Variants in MPG observed in about 807,000 individuals in gnomAD.
The protein encoded by MPG is DNA-3-methyladenine glycosylase.
In MPG, 33 loss-of-function variants were observed where a neutral mutation model predicts 31.7. The observed-to-expected ratio is 1.04, with a 90% CI of 0.79 to 1.39. MPG has a LOEUF of 1.39. MPG is among the 40% of genes most tolerant of loss of function. MPG has a pLI of 0.00. For missense variants in MPG, 455 were observed against 415.5 expected, an observed-to-expected ratio of 1.10 and a Z score of -0.83; for synonymous variants, 202 against 169.2, an observed-to-expected ratio of 1.19 and a Z score of -1.51.
chr16:83,606 T>C (rs1898319444), intron 3 of MPG, among the ~76,000 whole-genome samples: 1 of 151,868 alleles, frequency 6.6e-6, no homozygotes, highest in Non-Finnish European at 1.5e-5. Flanking sequence ...CTGGGTGTGG[T>C]AGTGGGCTCC....
In MPG at chr16:83,266, G is replaced by A. The variant is rs1165807447; in HGVS notation, c.505+10G>A. 2.5e-6 allele frequency: 4 copies of A among 1,605,306 alleles called. No individual in the cohort carries two copies. In the East Asian group the frequency reaches 9.0e-5, roughly 36 times the overall value. ...AACATCTCCAGCCAGGGTGAGCAGTGCTGGGGCACGGGGGGTTGGAGGGCC... is the reference window on the plus strand; with the variant it reads ...AACATCTCCAGCCAGGGTGAGCAGTACTGGGGCACGGGGGGTTGGAGGGCC... On this transcript the variant is annotated intron_variant, in intron 3 of 3. Coordinates refer to ENST00000356432, the MANE Select transcript of MPG (RefSeq NM_001015052.3).
At position 78,342 on chromosome 16, in the gene MPG, G is replaced by A. The variant is rs898008178; in HGVS notation, c.24+9G>A. On this transcript the variant is annotated intron_variant, in intron 1 of 3. Coordinates refer to ENST00000356432, the MANE Select transcript of MPG (RefSeq NM_001015052.3). ...CGCGCAGCGGGGCCCAGGTGAGCGC[G>A]CGCCTCGGCCGCCCCGCGGAACAGA... 4.8e-6 allele frequency: 6 copies of A among 1,247,712 alleles called. No homozygotes were observed. The African/African-American group carries it at 7.9e-5, about 16-fold the overall frequency. 77.3% of individuals were successfully genotyped at this position (1,247,712 alleles called of 1,614,324 possible).
At chr16:80,534 G>T (rs2141883887) in intron 2 of MPG, among the ~76,000 whole-genome samples, 1 of 152,316 alleles carries the variant, frequency 6.6e-6, no homozygotes, top group Admixed American at 6.5e-5. Flanking sequence ...TTTGTGGCCA[G>T]GTGTGGTGGC....
chr16:85,270 A>C, intron 3 of MPG, 131 bp from the exon 4 acceptor site: 1 of 1,100,542 alleles, frequency 9.1e-7, no homozygotes, highest in South Asian at 1.5e-5. Context: ...GTGCAGGTGC[A>C]CAGAGCAGGT....
chr16:79,465 G>A lies in MPG; in HGVS notation c.65G>A (p.Arg22Lys). 2 of 1,613,104 alleles carry A rather than the reference G, an allele frequency of 1.2e-6. No individual in the cohort carries two copies. The highest frequency in any genetic ancestry group is 1.7e-6 in the Non-Finnish European group (2 of 1,180,010). ...GGGCAAAAGAAGCAGCGACCAGCTAGAGCAGGGCAGCCACACAGCTCGTCC... is the reference window on the plus strand; with the variant it reads ...GGGCAAAAGAAGCAGCGACCAGCTAAAGCAGGGCAGCCACACAGCTCGTCC... ...RMGQKKQRPA[R>K]AGQPHSSSDA... Residue 22 changes from arginine (R) to lysine (K), a missense_variant, in exon 2 of 4, where the codon AGA becomes AAA. By Grantham distance (26) the Arg-to-Lys change is conservative (BLOSUM62 2). Transcript: ENST00000356432.
intron 2 of MPG, among the ~76,000 whole-genome samples, chr16:80,790 C>T (rs574876504): frequency 1.3e-5 from 2 of 152,104 alleles, no homozygotes; most frequent in East Asian, 3.9e-4. Flanking sequence ...GCCTGGGCGA[C>T]AGGGCGAGAC....
At chr16:83,344 G>C in intron 3 of MPG, 88 bp downstream of exon 3, 1 of 1,359,378 alleles carries the variant, frequency 7.4e-7, no homozygotes, top group Non-Finnish European at 1.0e-6. Flanking sequence ...ACTGAGGTGG[G>C]GCCAGCATTT....
In MPG at chr16:83,263, A is replaced by T. The variant is rs371387062; in HGVS notation, c.505+7A>T. ...ATGAACATCTCCAGCCAGGGTGAGC[A>T]GTGCTGGGGCACGGGGGGTTGGAGG... On this transcript the variant is annotated splice_region_variant and intron_variant, in intron 3 of 3. Coordinates refer to ENST00000356432, the MANE Select transcript of MPG (RefSeq NM_001015052.3). 1 of 1,605,986 alleles carries T rather than the reference A, an allele frequency of 6.2e-7. No homozygotes were observed. Among genetic ancestry groups the T allele is most frequent in the African/African-American group, 1.3e-5 (1 of 74,754 alleles).
At chr16:82,254 C>T (rs912658191) in intron 2 of MPG, among the ~76,000 whole-genome samples, 1 of 149,006 alleles carries the variant, frequency 6.7e-6, no homozygotes, top group Admixed American at 6.8e-5. Context: ...AATGCTCCCC[C>T]GGCGAGCATC....
At chr16:77,986 T>G, upstream of MPG, 1 of 218,418 alleles carries the variant, frequency 4.6e-6, no homozygotes, top group Non-Finnish European at 9.1e-6. Flanking sequence ...GACAGCTCAT[T>G]GGGAGGGGCG....
intron 1 of MPG, chr16:79,027 G>C (rs545082571): frequency 6.3e-6 from 9 of 1,422,138 alleles, no homozygotes. Context: ...TTGGATGAAA[G>C]GGCAGGGCTC....
At position 79,533 on chromosome 16, in the gene MPG, GA is replaced by G; in HGVS notation, c.134del (p.Asp45ValfsTer58). On this transcript the variant is annotated frameshift_variant, in exon 2 of 4. Coordinates refer to ENST00000356432, the MANE Select transcript of MPG (RefSeq NM_001015052.3). LOFTEE classifies it high-confidence loss of function. ...TGCAGAGCAGCCACACAGCTCGTCCGATGCAGCCCAGGCACCTTGCCCCAGG... is the reference window on the plus strand; with the variant it reads ...TGCAGAGCAGCCACACAGCTCGTCCGTGCAGCCCAGGCACCTTGCCCCAGG... The part of the protein sequence containing the change: ...APAEQPHSSS[D>X]AAQAPCPRER... 3.1e-6 allele frequency: 5 copies of G among 1,612,874 alleles called. No homozygotes were observed. Among genetic ancestry groups the G allele is most frequent in the Non-Finnish European group, 4.2e-6 (5 of 1,179,970 alleles).
chr16:81,951 C>G lies in MPG; in HGVS notation c.301-1101C>G, dbSNP rs113564001. ...TTCCCACCACCCTACCTCCAGGAAG[C>G]CCTCCTGAATGCTCCCCGCGCTGAC... On this transcript the variant is annotated intron_variant, in intron 2 of 3. Coordinates refer to ENST00000356432, the MANE Select transcript of MPG (RefSeq NM_001015052.3). Among the ~76,000 whole-genome samples, 530 of 81,088 alleles carry G rather than the reference C, an allele frequency of 6.5e-3. 13 individuals are homozygous for G. The highest frequency in any genetic ancestry group is 0.044 in the African/African-American group (334 of 7,562). 53.2% of individuals were successfully genotyped at this position (81,088 alleles called of 152,430 possible).
rs567608340 is a variant in MPG at position 80,429 on chromosome 16, G to C, written c.300+729G>C. ...CCAGTGCCAGGAGTTGGGTGCTAAA[G>C]GAGCAGACCCTAGAATGTGGGCTCG... On this transcript the variant is annotated intron_variant, in intron 2 of 3. Coordinates refer to ENST00000356432, the MANE Select transcript of MPG (RefSeq NM_001015052.3). Among the ~76,000 whole-genome samples, 116 of 152,226 alleles carry C rather than the reference G, an allele frequency of 7.6e-4. 2 individuals are homozygous for C. Among genetic ancestry groups the C allele is most frequent in the Non-Finnish European group, 1.3e-3 (88 of 68,038 alleles).
intron 2 of MPG, among the ~76,000 whole-genome samples, chr16:81,406 G>A (rs1048779576): frequency 2.2e-4 from 33 of 152,308 alleles, no homozygotes; most frequent in African/African-American, 7.5e-4. Context: ...TGGAGGCACA[G>A]GAGTGTGCAG....
chr16:78,396 C>T, intron 1 of MPG, 63 bp downstream of exon 1: 3 of 1,166,112 alleles, frequency 2.6e-6, no homozygotes, highest in South Asian at 4.2e-5. Context: ...CAGCAGCGAG[C>T]GCGGCCGCGG....
At chr16:84,107 C>T (rs1353567754) in intron 3 of MPG, among the ~76,000 whole-genome samples, 1 of 152,246 alleles carries the variant, frequency 6.6e-6, no homozygotes, top group East Asian at 1.9e-4. Context: ...GCAGGCGGCT[C>T]TGTGGGGGCT....
At position 85,574 on chromosome 16, in the gene MPG, G is replaced by A. The variant is rs769824633; in HGVS notation, c.679G>A (p.Asp227Asn). The change falls in exon 4 of 4, where the codon GAC becomes AAC. Residue 227 changes from aspartate to asparagine, a missense_variant. Coordinates refer to ENST00000356432, the MANE Select transcript of MPG (RefSeq NM_001015052.3). ...GGCCCTGGCCATCAACAAGAGCTTT[G>A]ACCAGAGGGACCTGGCACAGGATGA... ...CQALAINKSF[D>N]QRDLAQDEAV... 5 of 1,613,160 alleles carry A rather than the reference G, an allele frequency of 3.1e-6. No individual in the cohort carries two copies. In the East Asian group the frequency reaches 8.9e-5, roughly 29 times the overall value.
rs769191 is a variant in MPG, at chr16:85,477, C to G, written c.582C>G (p.Thr194=). The part of the protein sequence containing the change: ...GLETMRQLRS[T]LRKGTASRVL... Reference sequence around the variant, plus strand: ...AGACCATGCGTCAGCTTCGCAGCACCCTCCGGAAAGGCACCGCCAGCCGTG... The same window carrying G: ...AGACCATGCGTCAGCTTCGCAGCACGCTCCGGAAAGGCACCGCCAGCCGTG... The change falls in exon 4 of 4, where the codon ACC becomes ACG. Residue 194 remains threonine (T), a synonymous_variant. Coordinates refer to ENST00000356432, the MANE Select transcript of MPG (RefSeq NM_001015052.3). The G allele has an allele frequency of 8.7e-6, 14 of 1,613,052 alleles. No individual in the cohort carries two copies. Among genetic ancestry groups the G allele is most frequent in the Non-Finnish European group, 1.2e-5 (14 of 1,180,026 alleles).
Sources: gnomAD v4.1 joint callset for allele counts (sites outside exome capture counted in the v4.1 genomes callset) on GRCh38, gnomAD v4.1.1 for gene constraint, MANE v1.5 for transcripts, NCBI Gene and HGNC (gene_info 2026-07-23, HGNC 2026-07-21) for gene names.